Variants in DNAH2 observed in about 807,000 individuals in gnomAD.
DNAH2 encodes dynein axonemal heavy chain 2.
DNAH2 carries 323 observed loss-of-function variants against 523.5 expected under a neutral mutation model. That is an observed-to-expected ratio of 0.62 (90% confidence interval 0.56 to 0.68). The LOEUF (loss-of-function observed/expected upper bound fraction) is 0.68. DNAH2 is among the 30% of genes least tolerant of loss of function. The probability of loss-of-function intolerance (pLI) is 0.00; values close to 1 mark genes in which losing one functional copy is unlikely to be tolerated. For missense variants in DNAH2, 4,907 were observed against 5,701.5 expected (o/e 0.86, Z 4.49); for synonymous variants, 2,093 against 2,177.4 (o/e 0.96, Z 1.08).
At chr17:7,768,647 C>T (rs1354024972) in intron 24 of DNAH2, among the ~76,000 whole-genome samples, 1 of 152,156 alleles carries the variant, frequency 6.6e-6, no homozygotes, top group East Asian at 1.9e-4. Context: ...GATCATCCCT[C>T]TTGTCTAACT....
Position 7,754,855 on chromosome 17 carries a change from T to TA in DNAH2, c.1905-2235dup. The TA allele has an allele frequency of 1.5e-6, 1 of 657,502 alleles. No homozygotes were observed. The allele number at this position is 657,502 out of a possible 1,614,324, so 40.7% of individuals were successfully genotyped here. A position where few individuals can be genotyped will look rare whatever the true frequency, so the allele number is the denominator to read the frequency against. On this transcript the variant is annotated intron_variant, in intron 12 of 85. Coordinates refer to ENST00000572933, the MANE Select transcript of DNAH2 (RefSeq NM_020877.5). The surrounding 1 kb of genome is among the most constrained non-coding windows in gnomAD (Gnocchi z 4.6). ...TGCCCTACAAAGACTTCAGAGTAGATATCTCTGTCTGCCAACGTGAGGACA... is the reference window on the plus strand; with the variant it reads ...TGCCCTACAAAGACTTCAGAGTAGATAATCTCTGTCTGCCAACGTGAGGACA...
Position 7,807,704 on chromosome 17 carries a change from T to C in DNAH2, c.9729+118T>C. Reference sequence around the variant, plus strand: ...CCCCCTTCCCCATGTCCTGTGCCATTCCAGTCCTGTCTCCTTCCCACTCTG... The same window carrying C: ...CCCCCTTCCCCATGTCCTGTGCCATCCCAGTCCTGTCTCCTTCCCACTCTG... On this transcript the variant is annotated intron_variant, in intron 63 of 85. Coordinates refer to ENST00000572933, the MANE Select transcript of DNAH2 (RefSeq NM_020877.5). This position sits in a 1 kb window ranked among gnomAD's most constrained non-coding sequence, Gnocchi z 5.6. 1.2e-6 allele frequency: 1 copy of C among 863,808 alleles called. No homozygotes were observed. The highest frequency in any genetic ancestry group is 1.8e-6 in the Non-Finnish European group (1 of 547,920). The allele number at this position is 863,808 out of a possible 1,614,324, so 53.5% of individuals were successfully genotyped here.
At position 7,807,327 on chromosome 17, in the gene DNAH2, C is replaced by T. The variant is rs777854041; in HGVS notation, c.9612+8C>T. On this transcript the variant is annotated splice_region_variant and intron_variant, in intron 62 of 85. Coordinates refer to ENST00000572933, the MANE Select transcript of DNAH2 (RefSeq NM_020877.5). The surrounding 1 kb of genome is among the most constrained non-coding windows in gnomAD (Gnocchi z 5.6). ...TGGGTGCGGGCCATGGAGGTAAAGG[C>T]GTCAGGGCTGGGGCGGGGCGGTAGG... The T allele has an allele frequency of 1.9e-5, 31 of 1,610,740 alleles. No individual in the cohort carries two copies. The highest frequency in any genetic ancestry group is 6.6e-5 in the South Asian group (6 of 90,932).
chr17:7,801,930 A>G lies in DNAH2; in HGVS notation c.8885A>G (p.Gln2962Arg), dbSNP rs769592991. ...IFVTMHWSVA[Q>R]YSQKMLLELR... ...GTCACTATGCACTGGTCAGTAGCTC[A>G]GTATTCCCAGAAGATGCTGTTGGAA... Residue 2962 changes from glutamine to arginine, a missense_variant, in exon 58 of 86, where the codon CAG (glutamine) becomes CGG (arginine). Coordinates refer to ENST00000572933, the MANE Select transcript of DNAH2 (RefSeq NM_020877.5). 6.2e-7 allele frequency: 1 copy of G among 1,614,266 alleles called. No individual in the cohort carries two copies.
rs2078225241 is a variant in DNAH2, at chr17:7,832,914, G to T, written c.12964G>T (p.Val4322Leu). 1 of 1,614,218 alleles carries T rather than the reference G, an allele frequency of 6.2e-7. No homozygotes were observed. The highest frequency in any genetic ancestry group is 1.3e-5 in the African/African-American group (1 of 75,058). Residue 4322 changes from valine to leucine, a missense_variant, in exon 84 of 86, where the codon GTG becomes TTG. By Grantham distance (32) the Val-to-Leu change is conservative. This residue lies in a region of DNAH2 where 1,851 missense variants were observed against 2,139.4 expected (regional missense o/e 0.87). Coordinates refer to ENST00000572933, the MANE Select transcript of DNAH2 (RefSeq NM_020877.5). This position sits in a 1 kb window ranked among gnomAD's most constrained non-coding sequence, Gnocchi z 4.3. ...TTCCACTGTGGATGACAGCAACCTA[G>T]TGTATCCCCCCAAGGTGGGAGCCAG... ...IVSTVDDSNL[V>L]YPPKDGVWVR... is the part of the protein sequence containing the mutation.
chr17:7,793,447 T>TTCTC (rs774059490), intron 48 of DNAH2, among the ~76,000 whole-genome samples: 2,413 of 96,486 alleles, frequency 0.025, 67 homozygotes, highest in African/African-American at 0.048. Flanking sequence ...CTTTCTTTCT[T>TTCTC]TTTCTTTCTT....
chr17:7,719,266 T>C (rs2074520112), intron 1 of DNAH2, among the ~76,000 whole-genome samples: 1 of 152,070 alleles, frequency 6.6e-6, no homozygotes. Context: ...TAGCTGGAAT[T>C]ACAGGCACGC....
intron 77 of DNAH2, among the ~76,000 whole-genome samples, chr17:7,829,408 C>T (rs146177822): frequency 6.6e-5 from 10 of 152,282 alleles, no homozygotes; most frequent in African/African-American, 1.9e-4. Flanking sequence ...CACCCTGTCA[C>T]TTTATTCTGT....
rs1341793302 is a variant in DNAH2 at position 7,766,415 on chromosome 17, C to T, written c.3609C>T (p.Leu1203=). Residue 1203 remains leucine, a synonymous_variant, in exon 22 of 86, where the codon CTC becomes CTT. Coordinates refer to ENST00000572933, the MANE Select transcript of DNAH2 (RefSeq NM_020877.5). Reference sequence around the variant, plus strand: ...CCATGCGGGAAGAGGAAAATAGTCTCCGAGCCAACCTGGGCATCTTCAAGA... The same window carrying T: ...CCATGCGGGAAGAGGAAAATAGTCTTCGAGCCAACCTGGGCATCTTCAAGA... ...LMAMREEENS[L]RANLGIFKIE... 1 of 1,614,010 alleles carries T rather than the reference C, an allele frequency of 6.2e-7. No homozygotes were observed. Among genetic ancestry groups the T allele is most frequent in the South Asian group, 1.1e-5 (1 of 91,076 alleles).
At chr17:7,820,061 G>A (rs1312380350) in intron 72 of DNAH2, among the ~76,000 whole-genome samples, 2 of 152,068 alleles carry the variant, frequency 1.3e-5, no homozygotes, top group African/African-American at 4.8e-5. Context: ...CTCCTGCCAT[G>A]GTCTCCCACA....
At chr17:7,816,471 C>A in intron 63 of DNAH2, 100 bp from the exon 64 acceptor site, 1 of 1,383,894 alleles carries the variant, frequency 7.2e-7, no homozygotes, top group Non-Finnish European at 1.0e-6. Context: ...TTTAACAAAG[C>A]TACAAAATGG....
Position 7,770,235 on chromosome 17 carries a change from C to T in DNAH2, c.3942-17C>T. On this transcript the variant is annotated splice_polypyrimidine_tract_variant and intron_variant, in intron 24 of 85. Transcript: ENST00000572933. ...GGTAACTCTCCTGACCTCACACCCT[C>T]CTGTTCCTGGCTGCAGGCACTGGGA... is the stretch of plus-strand genomic sequence containing the variant. 1.3e-6 allele frequency: 2 copies of T among 1,588,738 alleles called. No homozygotes were observed. Among genetic ancestry groups the T allele is most frequent in the Middle Eastern group, 1.7e-4 (1 of 5,858 alleles).
rs1047843514 is a variant in DNAH2 at position 7,760,595 on chromosome 17, C to T, written c.2786-145C>T. 5.4e-5 allele frequency: 39 copies of T among 728,414 alleles called. No homozygotes were observed. In the African/African-American group the frequency reaches 6.2e-4, roughly 12 times the overall value. 45.1% of individuals were successfully genotyped at this position (728,414 alleles called of 1,614,324 possible). ...TCACATTTTCACTTTCTGCCTACTC[C>T]TTTACCTTCTAATGTGCATGTTTGA... On this transcript the variant is annotated intron_variant, in intron 17 of 85. Coordinates refer to ENST00000572933, the MANE Select transcript of DNAH2 (RefSeq NM_020877.5). This position sits in a 1 kb window ranked among gnomAD's most constrained non-coding sequence, Gnocchi z 4.0.
chr17:7,788,593 G>A (rs1021075663), intron 44 of DNAH2, among the ~76,000 whole-genome samples: 1 of 152,164 alleles, frequency 6.6e-6, no homozygotes, highest in Admixed American at 6.5e-5. Context: ...GCGTAGATGA[G>A]GCCCTGGGAC....
At chr17:7,759,274 T>G in intron 15 of DNAH2, 148 bp from the exon 16 acceptor site, 1 of 1,430,666 alleles carries the variant, frequency 7.0e-7, no homozygotes. Context: ...CAGCCAACCT[T>G]CAGTCCTCAC....
chr17:7,785,994 C>T (rs995285052), intron 39 of DNAH2, 130 bp from the exon 40 acceptor site: 18 of 886,028 alleles, frequency 2.0e-5, no homozygotes, highest in East Asian at 2.6e-5. Flanking sequence ...TGAACAGAGC[C>T]GGAGTGCAGA....
At position 7,817,323 on chromosome 17, in the gene DNAH2, G is replaced by A; in HGVS notation, c.9928G>A (p.Asp3310Asn). Reference sequence around the variant, plus strand: ...GGAGGACCTGGGCTACCTGGTGGGGGACTGTCTCCTGGCAGCTGCCTTCCT... The same window carrying A: ...GGAGGACCTGGGCTACCTGGTGGGGAACTGTCTCCTGGCAGCTGCCTTCCT... ...LEEDLGYLVG[D>N]CLLAAAFLSY... The change falls in exon 65 of 86, where the codon GAC (aspartate) becomes AAC (asparagine). Residue 3310 changes from aspartate (D) to asparagine (N), a missense_variant. Asp to Asn is a conservative substitution (Grantham distance 23, BLOSUM62 1). Around this residue, in one of 3 missense-constraint regions of DNAH2, gnomAD observed 1,851 missense variants for 2,139.4 expected, o/e 0.87. Transcript: ENST00000572933. 1 of 1,607,366 alleles carries A rather than the reference G, an allele frequency of 6.2e-7. No individual in the cohort carries two copies. Among genetic ancestry groups the A allele is most frequent in the Non-Finnish European group, 8.5e-7 (1 of 1,178,158 alleles).
rs773343805 is a variant in DNAH2, at chr17:7,780,204, C to T, written c.5770C>T (p.Arg1924Cys). Residue 1924 changes from arginine to cysteine, a missense_variant, in exon 37 of 86, where the codon CGC becomes TGC. Around this residue, in one of 3 missense-constraint regions of DNAH2, gnomAD observed 2,806 missense variants for 3,190.8 expected, o/e 0.88. Coordinates refer to ENST00000572933, the MANE Select transcript of DNAH2 (RefSeq NM_020877.5). This position sits in a 1 kb window ranked among gnomAD's most constrained non-coding sequence, Gnocchi z 4.4. ...ELPENLKSMF[R>C]PIAMVVPDST... is the part of the protein sequence containing the mutation. ...TCCCGAAAATCTTAAATCCATGTTCCGCCCAATTGCCATGGTGGTGCCTGA... is the reference window on the plus strand; with the variant it reads ...TCCCGAAAATCTTAAATCCATGTTCTGCCCAATTGCCATGGTGGTGCCTGA... 11 of 1,614,112 alleles carry T rather than the reference C, an allele frequency of 6.8e-6. No homozygotes were observed. The highest frequency in any genetic ancestry group is 6.7e-5 in the East Asian group (3 of 44,882).
At chr17:7,745,193 C>T (rs774433477) in intron 12 of DNAH2, among the ~76,000 whole-genome samples, 32 of 152,050 alleles carry the variant, frequency 2.1e-4, no homozygotes, top group Admixed American at 1.3e-3. Context: ...TGGTGTTTTG[C>T]CATGTTGGCC....
Sources: allele counts gnomAD v4.1 joint callset (sites outside exome capture counted in the v4.1 genomes callset), GRCh38; gene constraint gnomAD v4.1.1; regional missense constraint gnomAD v4.1.1; non-coding constraint Gnocchi (gnomAD v3.1); transcripts MANE v1.5; gene names NCBI Gene and HGNC (gene_info 2026-07-23, HGNC 2026-07-21).